Variants in IFT80 observed in about 807,000 individuals in gnomAD.
IFT80 encodes intraflagellar transport protein 80 homolog.
Under a neutral mutation model 107.9 loss-of-function variants are expected in IFT80, and 79 were observed. The observed-to-expected ratio is 0.73, with a 90% CI of 0.61 to 0.88. The LOEUF is 0.88. IFT80 is among the 40% of genes least tolerant of loss of function. IFT80 has a pLI of 0.00. For missense variants in IFT80, 797 were observed against 914.2 expected, an observed-to-expected ratio of 0.87 and a Z score of 1.65; for synonymous variants, 299 against 300.9, an observed-to-expected ratio of 0.99 and a Z score of 0.07.
intron 8 of IFT80, among the ~76,000 whole-genome samples, chr3:160,348,093 T>C (rs1034918424): frequency 4.6e-5 from 7 of 152,332 alleles, no homozygotes; most frequent in African/African-American, 1.7e-4. Flanking sequence ...TTCAACTTAT[T>C]GGGTAAAATA....
intron 15 of IFT80, 54 bp downstream of exon 15, chr3:160,280,613 C>T: frequency 6.8e-7 from 1 of 1,459,924 alleles, no homozygotes; most frequent in Non-Finnish European, 9.6e-7. Context: ...AAACATGATA[C>T]TCTATTAGAG....
At chr3:160,364,650 C>T (rs1721735618) in intron 6 of IFT80, among the ~76,000 whole-genome samples, 3 of 152,136 alleles carry the variant, frequency 2.0e-5, no homozygotes, top group Non-Finnish European at 1.5e-5. Flanking sequence ...GGCACATATA[C>T]ACCATGGAAT....
chr3:160,274,982 AT>A (rs1576736081), intron 18 of IFT80, among the ~76,000 whole-genome samples: 1 of 152,210 alleles, frequency 6.6e-6, no homozygotes, highest in East Asian at 1.9e-4. Flanking sequence ...TTAGTGATAA[AT>A]TGAGCTCTTC....
At chr3:160,284,314 C>T (rs191225576) in intron 13 of IFT80, among the ~76,000 whole-genome samples, 1 of 152,092 alleles carries the variant, frequency 6.6e-6, no homozygotes, top group African/African-American at 2.4e-5. Flanking sequence ...TATTAATTGA[C>T]TCTCCTTTCA....
chr3:160,384,633 C>T lies in IFT80; in HGVS notation c.-33G>A. 1 of 1,587,522 alleles carries T rather than the reference C, an allele frequency of 6.3e-7. No individual in the cohort carries two copies. Among genetic ancestry groups the T allele is most frequent in the Non-Finnish European group, 8.6e-7 (1 of 1,156,702 alleles). Reference sequence around the variant, plus strand: ...CTTCCAGCAAAAATTTAAGATGCCACTTGATTGTATTTACTGTAAAAATAA... The same window carrying T: ...CTTCCAGCAAAAATTTAAGATGCCATTTGATTGTATTTACTGTAAAAATAA... On this transcript the variant is annotated 5_prime_UTR_variant, in exon 2 of 20. The change creates a new upstream start codon in the 5' untranslated region. Coordinates refer to ENST00000326448, the MANE Select transcript of IFT80 (RefSeq NM_020800.3).
At chr3:160,316,669 C>T (rs1432275188) in intron 9 of IFT80, among the ~76,000 whole-genome samples, 1 of 152,130 alleles carries the variant, frequency 6.6e-6, no homozygotes, top group African/African-American at 2.4e-5. Flanking sequence ...CCACTCTTCT[C>T]AGTGACTGGC....
chr3:160,320,345 T>C (rs532393751), intron 8 of IFT80, among the ~76,000 whole-genome samples: 23 of 152,020 alleles, frequency 1.5e-4, no homozygotes, highest in African/African-American at 4.3e-4. Context: ...CACAAAACAA[T>C]TGAAACTCAA....
At chr3:160,283,936 C>A (rs1458034223) in intron 13 of IFT80, among the ~76,000 whole-genome samples, 1 of 152,056 alleles carries the variant, frequency 6.6e-6, no homozygotes, top group Non-Finnish European at 1.5e-5. Context: ...TCATTAGAAC[C>A]GTCTCCCTTG....
At chr3:160,262,660 C>T (rs1485955701) in intron 19 of IFT80, among the ~76,000 whole-genome samples, 3 of 152,066 alleles carry the variant, frequency 2.0e-5, no homozygotes, top group African/African-American at 7.2e-5. Flanking sequence ...GCTCTGGAGT[C>T]GTCCCTGAGC....
At chr3:160,383,375 T>C (rs1458746739) in intron 2 of IFT80, 1 of 774,246 alleles carries the variant, frequency 1.3e-6, no homozygotes, top group Non-Finnish European at 1.6e-6. Context: ...GGAATAAAAA[T>C]AATTACATCT....
At chr3:160,314,447 T>A (rs1307908168) in intron 9 of IFT80, among the ~76,000 whole-genome samples, 1 of 152,132 alleles carries the variant, frequency 6.6e-6, no homozygotes, top group Non-Finnish European at 1.5e-5. Context: ...AGAAACTTTT[T>A]CACTACAGGC....
chr3:160,310,813 A>G (rs553654566), intron 9 of IFT80, among the ~76,000 whole-genome samples: 1 of 152,354 alleles, frequency 6.6e-6, no homozygotes, highest in South Asian at 2.1e-4. Context: ...TGACCAGTCT[A>G]GAGGAAACAC....
intron 1 of IFT80, among the ~76,000 whole-genome samples, chr3:160,392,579 T>C (rs187373541): frequency 9.2e-5 from 14 of 152,342 alleles, no homozygotes; most frequent in Admixed American, 7.8e-4. Flanking sequence ...TACTCTTCTC[T>C]CACATACCAA....
At chr3:160,348,668 A>C (rs1314766440) in intron 8 of IFT80, among the ~76,000 whole-genome samples, 2 of 152,228 alleles carry the variant, frequency 1.3e-5, no homozygotes, top group Non-Finnish European at 2.9e-5. Flanking sequence ...GATTTCTAAT[A>C]ACCAAATTTT....
intron 19 of IFT80, among the ~76,000 whole-genome samples, chr3:160,261,995 C>G (rs1480744603): frequency 6.6e-6 from 1 of 152,134 alleles, no homozygotes; most frequent in Non-Finnish European, 1.5e-5. Context: ...TCCTGCTCTC[C>G]TTTCTAAATG....
At chr3:160,279,423 G>T in intron 15 of IFT80, 59 bp from the exon 16 acceptor site, 1 of 1,424,958 alleles carries the variant, frequency 7.0e-7, no homozygotes, top group South Asian at 1.2e-5. Flanking sequence ...AATTTTTCAT[G>T]TATATTAAAT....
In IFT80 at chr3:160,384,608, C is replaced by T; in HGVS notation, c.-8G>A. Reference sequence around the variant, plus strand: ...AGATATCTTTAGTCTCATGACTCCACTTCCAGCAAAAATTTAAGATGCCAC... The same window carrying T: ...AGATATCTTTAGTCTCATGACTCCATTTCCAGCAAAAATTTAAGATGCCAC... On this transcript the variant is annotated 5_prime_UTR_variant, in exon 2 of 20. It adds an upstream start codon to the 5' untranslated region. Transcript: ENST00000326448. The T allele has an allele frequency of 6.3e-7, 1 of 1,579,444 alleles. No homozygotes were observed. The highest frequency in any genetic ancestry group is 1.1e-5 in the South Asian group (1 of 90,256).
intron 8 of IFT80, among the ~76,000 whole-genome samples, chr3:160,338,652 T>C (rs1188185271): frequency 6.8e-6 from 1 of 147,732 alleles, no homozygotes; most frequent in Non-Finnish European, 1.5e-5. Flanking sequence ...AAAAGGGACC[T>C]GAAGGAGATG....
chr3:160,354,150 C>T (rs1452847878), intron 8 of IFT80, among the ~76,000 whole-genome samples: 1 of 152,100 alleles, frequency 6.6e-6, no homozygotes, highest in East Asian at 1.9e-4. Flanking sequence ...TGAGACTACA[C>T]ATTCTATAGA....
Sources: allele counts gnomAD v4.1 joint callset (sites outside exome capture counted in the v4.1 genomes callset), GRCh38; gene constraint gnomAD v4.1.1; transcripts MANE v1.5; gene names NCBI Gene and HGNC (gene_info 2026-07-23, HGNC 2026-07-21).